NXPH1: variants seen among roughly 807,000 people sequenced by gnomAD.
NXPH1 encodes neurexophilin 1.
NXPH1 carries 5 observed loss-of-function variants against 23.7 expected under a neutral mutation model. That is an observed-to-expected ratio of 0.21 (90% CI 0.11 to 0.44). NXPH1 has a LOEUF of 0.44. NXPH1 is among the 20% of genes least tolerant of loss of function. The probability of loss-of-function intolerance (pLI) is 0.99; values close to 1 mark genes in which losing one functional copy is unlikely to be tolerated. For missense variants in NXPH1, 324 were observed against 321.6 expected, an observed-to-expected ratio of 1.01 and a Z score of -0.06; for synonymous variants, 144 against 122.2, an observed-to-expected ratio of 1.18 and a Z score of -1.18.
At chr7:8,740,470 T>C (rs1481990060) in intron 2 of NXPH1, among the ~76,000 whole-genome samples, 2 of 152,216 alleles carry the variant, frequency 1.3e-5, no homozygotes, top group African/African-American at 2.4e-5. Context: ...ATGGATAAAA[T>C]GTGGCTCTAA....
At chr7:8,724,378 T>G (rs948446346) in intron 2 of NXPH1, among the ~76,000 whole-genome samples, 9 of 152,204 alleles carry the variant, frequency 5.9e-5, no homozygotes, top group African/African-American at 2.2e-4. Context: ...TCAGTGAGTT[T>G]AGGGACATAC....
intron 2 of NXPH1, among the ~76,000 whole-genome samples, chr7:8,727,823 T>G (rs538396777): frequency 1.3e-5 from 2 of 152,224 alleles, no homozygotes; most frequent in Admixed American, 1.3e-4. Flanking sequence ...TGATGCGGGC[T>G]CTTTTTTGGT....
intron 2 of NXPH1, among the ~76,000 whole-genome samples, chr7:8,594,605 C>T (rs753310835): frequency 4.6e-5 from 7 of 151,760 alleles, no homozygotes; most frequent in African/African-American, 4.8e-5. Flanking sequence ...TTCTGACCTC[C>T]GCAGCTGGCT....
At chr7:8,597,717 G>C (rs1819257090) in intron 2 of NXPH1, among the ~76,000 whole-genome samples, 1 of 126,276 alleles carries the variant, frequency 7.9e-6, no homozygotes, top group Non-Finnish European at 1.7e-5. Context: ...TGGGGGGCGG[G>C]GGGGCAGTGT....
At chr7:8,538,428 A>G (rs1818062713) in intron 2 of NXPH1, among the ~76,000 whole-genome samples, 1 of 151,912 alleles carries the variant, frequency 6.6e-6, no homozygotes, top group Non-Finnish European at 1.5e-5. Context: ...TTCAAACTAA[A>G]TTCTGATATT....
intron 2 of NXPH1, among the ~76,000 whole-genome samples, chr7:8,662,475 A>G (rs1820692894): frequency 1.3e-5 from 2 of 152,212 alleles, no homozygotes; most frequent in African/African-American, 4.8e-5. Context: ...GAGAAAATGT[A>G]CTTTGACAAT....
chr7:8,737,173 A>G (rs772901520), intron 2 of NXPH1, among the ~76,000 whole-genome samples: 6 of 152,080 alleles, frequency 3.9e-5, no homozygotes, highest in Non-Finnish European at 7.4e-5. Flanking sequence ...TCATGTCAGT[A>G]TGATGCTAGC....
At chr7:8,440,860 C>G (rs1450051252) in intron 2 of NXPH1, among the ~76,000 whole-genome samples, 1 of 152,124 alleles carries the variant, frequency 6.6e-6, no homozygotes, top group Admixed American at 6.5e-5. Flanking sequence ...AGGTGCTTGT[C>G]AGCTTCACCT....
chr7:8,450,112 A>G (rs557222382), intron 2 of NXPH1, among the ~76,000 whole-genome samples: 63 of 152,290 alleles, frequency 4.1e-4, no homozygotes, highest in African/African-American at 1.4e-3. Context: ...ATGATACATA[A>G]CATCTGTATC....
At chr7:8,725,316 C>T (rs906693975) in intron 2 of NXPH1, among the ~76,000 whole-genome samples, 5 of 151,868 alleles carry the variant, frequency 3.3e-5, no homozygotes, top group Non-Finnish European at 7.4e-5. Context: ...ATGGCGAAAC[C>T]CTGTCTTGAC....
intron 2 of NXPH1, among the ~76,000 whole-genome samples, chr7:8,601,699 G>C (rs1008952686): frequency 6.6e-6 from 1 of 152,164 alleles, no homozygotes; most frequent in Non-Finnish European, 1.5e-5. Context: ...CTAAAATACA[G>C]GAAGTCACTG....
intron 2 of NXPH1, among the ~76,000 whole-genome samples, chr7:8,665,517 A>G (rs1174976108): frequency 6.6e-6 from 1 of 152,008 alleles, no homozygotes; most frequent in Non-Finnish European, 1.5e-5. Context: ...GTGGTTCCAT[A>G]TAAATTTTAG....
At chr7:8,682,900 C>A (rs1821080026) in intron 2 of NXPH1, among the ~76,000 whole-genome samples, 1 of 152,216 alleles carries the variant, frequency 6.6e-6, no homozygotes, top group Non-Finnish European at 1.5e-5. Context: ...TACCACAAGG[C>A]AGCTTATTCC....
chr7:8,571,321 G>A (rs1038020330), intron 2 of NXPH1, among the ~76,000 whole-genome samples: 1 of 151,846 alleles, frequency 6.6e-6, no homozygotes, highest in Non-Finnish European at 1.5e-5. Flanking sequence ...ATATGGTATG[G>A]GGATAGTGGG....
chr7:8,743,738 C>G (rs1225636301), intron 2 of NXPH1, among the ~76,000 whole-genome samples: 2 of 149,414 alleles, frequency 1.3e-5, no homozygotes, highest in African/African-American at 5.0e-5. Flanking sequence ...GGCTGGAGTG[C>G]AGTGGCGTGA....
chr7:8,460,095 G>A lies in NXPH1; in HGVS notation c.54+24328G>A, dbSNP rs1260309258. Among the ~76,000 whole-genome samples the A allele has an allele frequency of 3.9e-5, 6 of 152,044 alleles. No individual in the cohort carries two copies. In the East Asian group the frequency reaches 7.7e-4, roughly 20 times the overall value. ...AAAAGCTTATTTTTATACAAAAGAA[G>A]CTCAATAAATATTTAATTTACAAAT... is the stretch of plus-strand genomic sequence containing the variant. On this transcript the variant is annotated intron_variant, in intron 2 of 2. Coordinates refer to ENST00000405863, the MANE Select transcript of NXPH1 (RefSeq NM_152745.3).
intron 2 of NXPH1, among the ~76,000 whole-genome samples, chr7:8,656,800 T>G (rs1162424926): frequency 6.6e-6 from 1 of 152,074 alleles, no homozygotes; most frequent in East Asian, 1.9e-4. Context: ...GGTGTTTGGT[T>G]TTTTGTTCTT....
At chr7:8,618,525 T>C (rs923484148) in intron 2 of NXPH1, among the ~76,000 whole-genome samples, 1 of 152,192 alleles carries the variant, frequency 6.6e-6, no homozygotes, top group African/African-American at 2.4e-5. Context: ...TCATACTCTT[T>C]ATGTGCTTGT....
intron 2 of NXPH1, among the ~76,000 whole-genome samples, chr7:8,501,190 T>C (rs1817425535): frequency 6.6e-6 from 1 of 152,072 alleles, no homozygotes; most frequent in Admixed American, 6.6e-5. Flanking sequence ...CTGCCTTTTC[T>C]AAATTTCATA....
Sources: gnomAD v4.1 joint callset for allele counts (sites outside exome capture counted in the v4.1 genomes callset) on GRCh38, gnomAD v4.1.1 for gene constraint, MANE v1.5 for transcripts, NCBI Gene and HGNC (gene_info 2026-07-23, HGNC 2026-07-21) for gene names.